The following ELL variants were observed in gnomAD, a reference collection of about 807,000 sequenced individuals.
ELL encodes elongation factor for RNA polymerase II.
Under a neutral mutation model 64.0 loss-of-function variants are expected in ELL, and 18 were observed. The observed-to-expected ratio is 0.28, with a 90% CI of 0.19 to 0.42. The LOEUF (loss-of-function observed/expected upper bound fraction) is 0.42. Among genes scored for constraint, ELL ranks in the 10% least tolerant of loss-of-function variants. The pLI, the probability that ELL is intolerant of heterozygous loss-of-function variation, is 1.00. For missense variants in ELL, 797 were observed against 870.4 expected, an observed-to-expected ratio of 0.92 and a Z score of 1.06; for synonymous variants, 399 against 376.2, an observed-to-expected ratio of 1.06 and a Z score of -0.70.
At position 18,444,554 on chromosome 19, in the gene ELL, A is replaced by C; in HGVS notation, c.*198T>G. 2 of 543,446 alleles carry C rather than the reference A, an allele frequency of 3.7e-6. No homozygotes were observed. Among genetic ancestry groups the C allele is most frequent in the Non-Finnish European group, 6.5e-6 (2 of 309,492 alleles). 33.7% of individuals were successfully genotyped at this position (543,446 alleles called of 1,614,324 possible). ...CCTGGGGAGCCCATCATAAGCAGGG[A>C]CTGCTCAGGAAGCGCAGGGAGGGCC... is the stretch of plus-strand genomic sequence containing the variant. On this transcript the variant is annotated 3_prime_UTR_variant, in exon 12 of 12. Coordinates refer to ENST00000262809, the MANE Select transcript of ELL (RefSeq NM_006532.4).
At chr19:18,513,414 C>T (rs1220683333) in intron 1 of ELL, among the ~76,000 whole-genome samples, 1 of 152,158 alleles carries the variant, frequency 6.6e-6, no homozygotes, top group Non-Finnish European at 1.5e-5. Flanking sequence ...AGCATTAAAA[C>T]ATAAAGTGTT....
Position 18,458,299 on chromosome 19 carries a change from A to G in ELL, c.775T>C (p.Cys259Arg), listed in dbSNP as rs764380715. The G allele has an allele frequency of 1.2e-6, 2 of 1,613,344 alleles. No homozygotes were observed. Among genetic ancestry groups the G allele is most frequent in the Non-Finnish European group, 8.5e-7 (1 of 1,179,914 alleles). ...VANMSAKDGT[C>R]TLQDCMYKDV... is the part of the protein sequence containing the mutation. ...TTGTACATGCAGTCCTGCAGTGTAC[A>G]CGTGCCGTCCTTAGCACTCATGTTG... Residue 259 changes from cysteine to arginine, a missense_variant, in exon 6 of 12, where the codon TGT (cysteine) becomes CGT (arginine). Cys to Arg is a radical substitution (Grantham distance 180). Transcript: ENST00000262809.
intron 5 of ELL, 122 bp from the exon 6 acceptor site, chr19:18,458,451 G>C: frequency 6.8e-7 from 1 of 1,463,668 alleles, no homozygotes; most frequent in African/African-American, 1.4e-5. Flanking sequence ...GACAGAGACA[G>C]AGGAGAGGAA....
intron 1 of ELL, among the ~76,000 whole-genome samples, chr19:18,479,381 A>C (rs570375617): frequency 7.2e-5 from 11 of 152,296 alleles, no homozygotes; most frequent in African/African-American, 2.4e-4. Context: ...CAAATATAAA[A>C]TATAAATGGA....
intron 2 of ELL, chr19:18,472,619 C>A (rs766159092): frequency 3.6e-5 from 20 of 554,336 alleles, no homozygotes; most frequent in Non-Finnish European, 5.6e-5. Flanking sequence ...AGAGGAGAGC[C>A]GCCCATTGCC....
intron 6 of ELL, among the ~76,000 whole-genome samples, chr19:18,453,283 A>T (rs1600430789): frequency 6.6e-6 from 1 of 152,374 alleles, no homozygotes; most frequent in East Asian, 1.9e-4. Context: ...TCAAAAACAT[A>T]AAATAAATAA....
chr19:18,480,314 C>T (rs573463488), intron 1 of ELL, among the ~76,000 whole-genome samples: 10 of 152,342 alleles, frequency 6.6e-5, no homozygotes, highest in Admixed American at 5.9e-4. Context: ...ATTGAGGCCA[C>T]GGAGAGTTTA....
chr19:18,484,610 G>A (rs911417956), intron 1 of ELL, among the ~76,000 whole-genome samples: 2 of 152,144 alleles, frequency 1.3e-5, no homozygotes, highest in Admixed American at 6.5e-5. Context: ...ACTGCACTCC[G>A]GCAGGGGTGA....
chr19:18,507,633 C>T (rs1350095236), intron 1 of ELL, among the ~76,000 whole-genome samples: 1 of 152,206 alleles, frequency 6.6e-6, no homozygotes, highest in Non-Finnish European at 1.5e-5. Context: ...CTCCCCGCTG[C>T]GAAGAAGTGG....
chr19:18,467,631 CCACACACACACACACACA>C (rs56351300), intron 2 of ELL, among the ~76,000 whole-genome samples: 19 of 67,000 alleles, frequency 2.8e-4, no homozygotes, highest in South Asian at 1.2e-3. Context: ...CACCACACAA[CCACACACACACACACACA>C]CACACACACA....
intron 1 of ELL, among the ~76,000 whole-genome samples, chr19:18,512,810 G>A (rs1479793244): frequency 6.6e-6 from 1 of 152,190 alleles, no homozygotes; most frequent in East Asian, 1.9e-4. Flanking sequence ...GGCTCAGGGA[G>A]GGTGCCAGCA....
chr19:18,493,131 C>A (rs115236608), intron 1 of ELL, among the ~76,000 whole-genome samples: 1 of 151,870 alleles, frequency 6.6e-6, no homozygotes, highest in South Asian at 2.1e-4. Context: ...CAAGGGTGAC[C>A]GAGAAGGAAA....
At chr19:18,521,552 T>C (rs1976276563) in intron 1 of ELL, among the ~76,000 whole-genome samples, 1 of 152,132 alleles carries the variant, frequency 6.6e-6, no homozygotes, top group Admixed American at 6.5e-5. Context: ...GCCGGGACCG[T>C]GCGGCCCACC....
chr19:18,449,432 A>G lies in ELL; in HGVS notation c.1465+1045T>C, dbSNP rs181444909. On this transcript the variant is annotated intron_variant, in intron 8 of 11. Transcript: ENST00000262809. This position sits in a 1 kb window ranked among gnomAD's most constrained non-coding sequence, Gnocchi z 4.4. ...CACATGCAGTCCCACGGGAGGTGGGAAGCCCAGCACGAGGCAGGGCTGACC... is the reference window on the plus strand; with the variant it reads ...CACATGCAGTCCCACGGGAGGTGGGGAGCCCAGCACGAGGCAGGGCTGACC... Among the ~76,000 whole-genome samples the G allele has an allele frequency of 2.6e-4, 40 of 152,204 alleles. No homozygotes were observed. In the South Asian group the frequency reaches 6.6e-3, roughly 25 times the overall value.
intron 1 of ELL, among the ~76,000 whole-genome samples, chr19:18,515,088 G>A (rs571954119): frequency 7.2e-5 from 11 of 152,372 alleles, no homozygotes; most frequent in African/African-American, 2.6e-4. Context: ...GCTGCCTGCT[G>A]TTTACACACA....
rs1555732678 is a variant in ELL at position 18,462,364 on chromosome 19, T to TGTGTGTGTGTGTGTGTG, written c.470-513_470-512insCACACACACACACACAC. Among the ~76,000 whole-genome samples, 7 of 49,138 alleles carry TGTGTGTGTGTGTGTGTG rather than the reference T, an allele frequency of 1.4e-4. 1 individual carries two copies. Among genetic ancestry groups the TGTGTGTGTGTGTGTGTG allele is most frequent in the African/African-American group, 1.2e-3 (7 of 5,786 alleles). 32.2% of individuals were successfully genotyped at this position (49,138 alleles called of 152,430 possible). On this transcript the variant is annotated intron_variant, in intron 4 of 11. Coordinates refer to ENST00000262809, the MANE Select transcript of ELL (RefSeq NM_006532.4). ...GTGTGTGTGTGTGTGTGTGTGTGTG[T>TGTGTGTGTGTGTGTGTG]TTGGGCGGGGGGCGGGGGGGGAAGG...
rs271627 is a variant in ELL at position 18,516,066 on chromosome 19, G to C, written c.135+5855C>G. On this transcript the variant is annotated intron_variant, in intron 1 of 11. Transcript: ENST00000262809. Reference sequence around the variant, plus strand: ...GGCAGGGCTGGCAAGAAGCTGCCCTGCTCAGAACCAAGGGGGGTGCCCACC... The same window carrying C: ...GGCAGGGCTGGCAAGAAGCTGCCCTCCTCAGAACCAAGGGGGGTGCCCACC... 3.2e-3 allele frequency among the ~76,000 whole-genome samples: 493 copies of C among 152,264 alleles called. 2 individuals carry two copies. Among genetic ancestry groups the C allele is most frequent in the Non-Finnish European group, 5.9e-3 (401 of 67,998 alleles).
chr19:18,471,670 T>C (rs1975067946), intron 2 of ELL, among the ~76,000 whole-genome samples: 1 of 152,190 alleles, frequency 6.6e-6, no homozygotes, highest in African/African-American at 2.4e-5. Flanking sequence ...CAATAAAGGC[T>C]AGAAGAAAAA....
intron 4 of ELL, among the ~76,000 whole-genome samples, chr19:18,464,992 G>T (rs1183263899): frequency 1.3e-5 from 2 of 152,376 alleles, no homozygotes; most frequent in Admixed American, 6.5e-5. Flanking sequence ...GGTCAGGTGA[G>T]GGTGGGGGCA....
Sources: allele counts gnomAD v4.1 joint callset (sites outside exome capture counted in the v4.1 genomes callset), GRCh38; gene constraint gnomAD v4.1.1; non-coding constraint Gnocchi (gnomAD v3.1); transcripts MANE v1.5; gene names NCBI Gene and HGNC (gene_info 2026-07-23, HGNC 2026-07-21).